Variants in CCR5AS observed in about 807,000 individuals in gnomAD.
The protein encoded by CCR5AS is CCR5 antisense RNA.
chr3:46,406,954 G>A (rs1559578694), exon 1 of CCR5AS: 2 of 152,226 alleles, frequency 1.3e-5, no homozygotes, highest in Non-Finnish European at 2.9e-5. Context: ...GGGTTTCTGC[G>A]AACACTGGTG....
intron 2 of CCR5AS, among the ~76,000 whole-genome samples, chr3:46,378,530 C>A (rs1185705955): frequency 6.6e-6 from 1 of 152,010 alleles, no homozygotes; most frequent in Non-Finnish European, 1.5e-5. Context: ...CCATGGCAAG[C>A]CTTGGGTCAT....
chr3:46,379,001 CTTT>C lies in CCR5AS; in HGVS notation n.392-7587_392-7585del, dbSNP rs775443220. On this transcript the variant is annotated intron_variant and non_coding_transcript_variant, in intron 2 of 3. Transcript: ENST00000451485. ...AATGTGATTTGATGTTGGTAAATTT[CTTT>C]TTTTTTTTTTTTTTACTTCTATTTT... Among the ~76,000 whole-genome samples, 334 of 125,498 alleles carry C rather than the reference CTTT, an allele frequency of 2.7e-3. 1 individual carries two copies. The highest frequency in any genetic ancestry group is 8.7e-3 in the African/African-American group (308 of 35,358). 82.3% of individuals were successfully genotyped at this position (125,498 alleles called of 152,430 possible).
intron 3 of CCR5AS, among the ~76,000 whole-genome samples, chr3:46,366,136 T>G (rs1273320655): frequency 6.6e-6 from 1 of 152,180 alleles, no homozygotes; most frequent in African/African-American, 2.4e-5. Flanking sequence ...GGAGTTGATG[T>G]GATGGGTGTG....
At chr3:46,373,076 C>G (rs1211101172) in intron 2 of CCR5AS, 1 of 1,614,166 alleles carries the variant, frequency 6.2e-7, no homozygotes, top group Non-Finnish European at 8.5e-7. Flanking sequence ...TGATAAACTG[C>G]AAAAGGCTGA....
intron 2 of CCR5AS, chr3:46,372,635 G>A (rs1701678701): frequency 6.2e-6 from 2 of 322,682 alleles, no homozygotes; most frequent in African/African-American, 4.2e-5. Flanking sequence ...TAGAGCACAA[G>A]ATTTTATTTG....
chr3:46,380,996 C>T (rs11575823), intron 2 of CCR5AS, among the ~76,000 whole-genome samples: 8,783 of 151,968 alleles, frequency 0.058, 837 homozygotes, highest in African/African-American at 0.2. Flanking sequence ...CAGAACATTC[C>T]CCAAGCTGGT....
intron 2 of CCR5AS, among the ~76,000 whole-genome samples, chr3:46,387,503 C>G (rs140461192): frequency 6.6e-6 from 1 of 152,318 alleles, no homozygotes; most frequent in Admixed American, 6.5e-5. Context: ...TCCCTCCACA[C>G]TTTAGGTGCT....
intron 2 of CCR5AS, among the ~76,000 whole-genome samples, chr3:46,387,899 C>T (rs1424496650): frequency 6.6e-6 from 1 of 151,940 alleles, no homozygotes; most frequent in East Asian, 1.9e-4. Flanking sequence ...ACAAGGTGCT[C>T]AGTGGGGAGC....
At chr3:46,400,390 G>T (rs7432521) in intron 1 of CCR5AS, among the ~76,000 whole-genome samples, 30 of 152,310 alleles carry the variant, frequency 2.0e-4, no homozygotes, top group Middle Eastern at 3.4e-3. Flanking sequence ...GTGTTGACAA[G>T]AGAATGACTA....
intron 2 of CCR5AS, among the ~76,000 whole-genome samples, chr3:46,388,051 GC>G (rs1271712586): frequency 2.0e-5 from 3 of 152,186 alleles, no homozygotes; most frequent in Non-Finnish European, 4.4e-5. Context: ...TTCTTCAGTT[GC>G]TTCAGGCCAT....
intron 2 of CCR5AS, chr3:46,373,197 A>G (rs1701690973): frequency 6.2e-7 from 1 of 1,614,152 alleles, no homozygotes; most frequent in Admixed American, 1.7e-5. Flanking sequence ...CTTTGGAAAT[A>G]CAATGTGTCA....
In CCR5AS at chr3:46,398,479, C is replaced by T. The variant is rs912280929; in HGVS notation, n.164-5427G>A. Among the ~76,000 whole-genome samples the T allele has an allele frequency of 3.3e-5, 5 of 152,224 alleles. No individual in the cohort carries two copies. The East Asian group carries it at 9.6e-4, about 29-fold the overall frequency. Reference sequence around the variant, plus strand: ...ATAACCCTTAAAGATTTGATGAAATCATTACTTTATTAAAATTGTTTTTAT... The same window carrying T: ...ATAACCCTTAAAGATTTGATGAAATTATTACTTTATTAAAATTGTTTTTAT... On this transcript the variant is annotated intron_variant and non_coding_transcript_variant, in intron 1 of 3. Coordinates refer to ENST00000451485, the Ensembl canonical transcript of CCR5AS.
chr3:46,379,821 T>C (rs906404443), intron 2 of CCR5AS, among the ~76,000 whole-genome samples: 13 of 151,976 alleles, frequency 8.6e-5, no homozygotes, highest in Admixed American at 7.2e-4. Flanking sequence ...CGCTTGAACC[T>C]GGGAGGTGGA....
chr3:46,379,531 G>A (rs941424486), intron 2 of CCR5AS, among the ~76,000 whole-genome samples: 6 of 152,104 alleles, frequency 3.9e-5, no homozygotes, highest in Non-Finnish European at 7.4e-5. Context: ...TAACAAGAGC[G>A]AGGTCAGATA....
chr3:46,381,553 A>C (rs1439549609), intron 2 of CCR5AS, among the ~76,000 whole-genome samples: 1 of 152,220 alleles, frequency 6.6e-6, no homozygotes. Flanking sequence ...CCTCCTTTTG[A>C]AACTGCATAC....
intron 2 of CCR5AS, among the ~76,000 whole-genome samples, chr3:46,378,615 C>T (rs137988054): frequency 3.8e-4 from 58 of 152,308 alleles, no homozygotes; most frequent in African/African-American, 1.3e-3. Flanking sequence ...AGAAGACACA[C>T]GAGGAGGCTT....
intron 2 of CCR5AS, among the ~76,000 whole-genome samples, chr3:46,383,601 G>T (rs6777875): frequency 0.32 from 48,401 of 151,800 alleles, 9,630 homozygotes; most frequent in African/African-American, 0.56. Flanking sequence ...AAACCCCACC[G>T]CCACTCTCCT....
chr3:46,368,725 T>C (rs1313490890), intron 3 of CCR5AS, among the ~76,000 whole-genome samples: 2 of 152,190 alleles, frequency 1.3e-5, no homozygotes, highest in Non-Finnish European at 2.9e-5. Flanking sequence ...AGTGGAAGTA[T>C]CTTGCCGAGG....
At chr3:46,373,052 G>C in intron 2 of CCR5AS, 3 of 1,614,104 alleles carry the variant, frequency 1.9e-6, no homozygotes, top group Non-Finnish European at 2.5e-6. Flanking sequence ...GCAACATGCT[G>C]GTCATCCTCA....
Sources: gnomAD v4.1 joint callset for allele counts (sites outside exome capture counted in the v4.1 genomes callset) on GRCh38, gnomAD v4.1.1 for gene constraint, MANE v1.5 for transcripts, NCBI Gene and HGNC (gene_info 2026-07-23, HGNC 2026-07-21) for gene names.